CAMTA1: variants seen among roughly 807,000 people sequenced by gnomAD.
CAMTA1 encodes calmodulin-binding transcription activator 1.
A neutral mutation model predicts 170.9 loss-of-function variants in CAMTA1; 27 were observed. That is an observed-to-expected ratio of 0.16 (90% CI 0.12 to 0.22). CAMTA1 has a LOEUF of 0.22. Among genes scored for constraint, CAMTA1 ranks in the 10% least tolerant of loss-of-function variants. The pLI, the probability that CAMTA1 is intolerant of heterozygous loss-of-function variation, is 1.00. For missense variants in CAMTA1, 1,619 were observed against 2,217.2 expected (o/e 0.73, Z 5.42); for synonymous variants, 833 against 891.5 (o/e 0.93, Z 1.17).
At chr1:7,214,932 G>T (rs1033229479) in intron 4 of CAMTA1, among the ~76,000 whole-genome samples, 1 of 151,170 alleles carries the variant, frequency 6.6e-6, no homozygotes, top group Non-Finnish European at 1.5e-5. Context: ...TTTCAACAAA[G>T]CTATCTTGAA....
Position 7,344,596 on chromosome 1 carries a change from G to A in CAMTA1, c.438+94970G>A, listed in dbSNP as rs538591917. On this transcript the variant is annotated intron_variant, in intron 5 of 22. Coordinates refer to ENST00000303635, the MANE Select transcript of CAMTA1 (RefSeq NM_015215.4). ...GATTTCCAGGGTCTCCACCCTCTGC[G>A]CATGAGGTCAGACTTCTTAATTGTT... Among the ~76,000 whole-genome samples the A allele has an allele frequency of 2.6e-4, 39 of 152,248 alleles. 2 individuals carry two copies. In the South Asian group the frequency reaches 7.5e-3, roughly 29 times the overall value.
At chr1:7,586,068 C>A (rs954701931) in intron 6 of CAMTA1, among the ~76,000 whole-genome samples, 1 of 151,976 alleles carries the variant, frequency 6.6e-6, no homozygotes, top group Non-Finnish European at 1.5e-5. Flanking sequence ...GTGGTGAGAA[C>A]AAGCTGGAAT....
intron 3 of CAMTA1, among the ~76,000 whole-genome samples, chr1:6,902,063 ACACACAC>A (rs1557793098): frequency 9.1e-6 from 1 of 109,672 alleles, no homozygotes; most frequent in African/African-American, 3.3e-5. Flanking sequence ...ACACACACAC[ACACACAC>A]ACAAAAAAAA....
intron 6 of CAMTA1, among the ~76,000 whole-genome samples, chr1:7,612,574 C>T (rs2095531182): frequency 6.6e-6 from 1 of 152,158 alleles, no homozygotes; most frequent in Non-Finnish European, 1.5e-5. Context: ...GAGGGCGGGG[C>T]CTTTGCTGGG....
chr1:6,882,956 C>G (rs563572223), intron 3 of CAMTA1, among the ~76,000 whole-genome samples: 62 of 152,234 alleles, frequency 4.1e-4, no homozygotes, highest in African/African-American at 1.4e-3. Flanking sequence ...CAGAATGTCC[C>G]TCTGGTCTCA....
At chr1:7,619,348 C>A (rs972933669) in intron 6 of CAMTA1, among the ~76,000 whole-genome samples, 3 of 152,230 alleles carry the variant, frequency 2.0e-5, no homozygotes, top group Non-Finnish European at 4.4e-5. Flanking sequence ...TGTCACCAGC[C>A]AACTCTGCCA....
At chr1:6,861,884 G>A (rs1034282735) in intron 3 of CAMTA1, among the ~76,000 whole-genome samples, 16 of 151,742 alleles carry the variant, frequency 1.1e-4, no homozygotes, top group African/African-American at 3.4e-4. Context: ...CCTCGCCCCC[G>A]GCAACCACCC....
At chr1:6,888,060 G>T (rs1029787882) in intron 3 of CAMTA1, 1 of 1,074,504 alleles carries the variant, frequency 9.3e-7, no homozygotes, top group Non-Finnish European at 1.1e-6. Context: ...CCCAGCGGTG[G>T]TATGTTTTCC....
At chr1:7,574,322 G>A (rs2095163738) in intron 6 of CAMTA1, among the ~76,000 whole-genome samples, 1 of 152,194 alleles carries the variant, frequency 6.6e-6, no homozygotes, top group Non-Finnish European at 1.5e-5. Context: ...TGGAAATGGG[G>A]CGGTGCCTGA....
intron 4 of CAMTA1, among the ~76,000 whole-genome samples, chr1:7,239,726 A>C (rs1366639724): frequency 6.7e-6 from 1 of 149,686 alleles, no homozygotes; most frequent in African/African-American, 2.5e-5. Flanking sequence ...GGAATACTAC[A>C]GACTGGGTAA....
intron 3 of CAMTA1, among the ~76,000 whole-genome samples, chr1:6,850,579 A>C (rs773660445): frequency 1.3e-5 from 2 of 152,222 alleles, no homozygotes; most frequent in Admixed American, 6.5e-5. Flanking sequence ...ATGATGGACA[A>C]AATTTAAAAC....
At position 7,635,764 on chromosome 1, in the gene CAMTA1, C is replaced by CT. The variant is rs1280227801; in HGVS notation, c.511-4635dup. Among the ~76,000 whole-genome samples, 1 of 152,318 alleles carries CT rather than the reference C, an allele frequency of 6.6e-6. No individual in the cohort carries two copies. The highest frequency in any genetic ancestry group is 6.5e-5 in the Admixed American group (1 of 15,306). ...CCAGCAAAGCAGCTCAGCAAGGACT[C>CT]TGACACCGTTATGAGCACTCCATGA... is the stretch of plus-strand genomic sequence containing the variant. On this transcript the variant is annotated intron_variant, in intron 6 of 22. Coordinates refer to ENST00000303635, the MANE Select transcript of CAMTA1 (RefSeq NM_015215.4). The surrounding 1 kb of genome is among the most constrained non-coding windows in gnomAD (Gnocchi z 4.4).
intron 5 of CAMTA1, among the ~76,000 whole-genome samples, chr1:7,253,079 G>T (rs1429212677): frequency 6.6e-6 from 1 of 152,168 alleles, no homozygotes; most frequent in Non-Finnish European, 1.5e-5. Flanking sequence ...GGATGACAAA[G>T]GTTGGCAGGA....
In CAMTA1 at chr1:7,463,535, GGAGAGACAGA is replaced by G. The variant is rs898903307; in HGVS notation, c.439-4288_439-4279del. On this transcript the variant is annotated intron_variant, in intron 5 of 22. Coordinates refer to ENST00000303635, the MANE Select transcript of CAMTA1 (RefSeq NM_015215.4). The surrounding 1 kb of genome is among the most constrained non-coding windows in gnomAD (Gnocchi z 4.7). Reference sequence around the variant, plus strand: ...GACTGAGAAAGAGATTGAGAGACAGGGAGAGACAGAGAGAGAAAGAAGATGAGACAGATAC... The same window carrying G: ...GACTGAGAAAGAGATTGAGAGACAGGGAGAGAAAGAAGATGAGACAGATAC... Among the ~76,000 whole-genome samples the G allele has an allele frequency of 2.0e-4, 31 of 151,620 alleles. No individual in the cohort carries two copies. Among genetic ancestry groups the G allele is most frequent in the East Asian group, 9.7e-4 (5 of 5,148 alleles).
At chr1:7,545,178 C>G (rs932431940) in intron 6 of CAMTA1, among the ~76,000 whole-genome samples, 2 of 152,192 alleles carry the variant, frequency 1.3e-5, no homozygotes, top group African/African-American at 4.8e-5. Context: ...CTCCCTTTCA[C>G]TTTTTCTTAA....
chr1:7,245,289 A>G (rs1270171783), intron 4 of CAMTA1, among the ~76,000 whole-genome samples: 1 of 151,362 alleles, frequency 6.6e-6, no homozygotes, highest in Admixed American at 6.6e-5. Context: ...CTGATAATCT[A>G]TAAGCCAATA....
intron 5 of CAMTA1, among the ~76,000 whole-genome samples, chr1:7,250,139 T>C (rs562739234): frequency 1.3e-5 from 2 of 152,292 alleles, no homozygotes; most frequent in South Asian, 4.1e-4. Flanking sequence ...GATTCTTGCA[T>C]GGTTGGGGTC....
intron 7 of CAMTA1, among the ~76,000 whole-genome samples, chr1:7,645,927 A>G (rs1364681772): frequency 6.6e-6 from 1 of 152,052 alleles, no homozygotes; most frequent in Non-Finnish European, 1.5e-5. Flanking sequence ...AAGCAACCTC[A>G]CCTCCATGGC....
At chr1:6,860,004 AT>A (rs935674511) in intron 3 of CAMTA1, among the ~76,000 whole-genome samples, 2 of 152,012 alleles carry the variant, frequency 1.3e-5, no homozygotes, top group African/African-American at 4.8e-5. Flanking sequence ...CATTTATGCT[AT>A]TTTTTTGGAT....
Sources: gnomAD v4.1 joint callset for allele counts (sites outside exome capture counted in the v4.1 genomes callset) on GRCh38, gnomAD v4.1.1 for gene constraint, Gnocchi (gnomAD v3.1) non-coding constraint, MANE v1.5 for transcripts, NCBI Gene and HGNC (gene_info 2026-07-23, HGNC 2026-07-21) for gene names.